ANP32A: variants seen among roughly 807,000 people sequenced by gnomAD.
ANP32A encodes acidic leucine-rich nuclear phosphoprotein 32 family member A.
In ANP32A, 1 loss-of-function variant was observed where a neutral mutation model predicts 33.9. That is an observed-to-expected ratio of 0.03 (90% confidence interval 0.01 to 0.14). The LOEUF is 0.14. ANP32A is among the 10% of genes least tolerant of loss of function. The probability of loss-of-function intolerance (pLI) is 1.00; values close to 1 mark genes in which losing one functional copy is unlikely to be tolerated. For missense variants in ANP32A, 155 were observed against 306.0 expected (o/e 0.51, Z 3.68); for synonymous variants, 115 against 120.5 (o/e 0.95, Z 0.30).
intron 5 of ANP32A, among the ~76,000 whole-genome samples, chr15:68,782,313 C>T (rs2140358836): frequency 6.6e-6 from 1 of 152,284 alleles, no homozygotes; most frequent in East Asian, 1.9e-4. Flanking sequence ...TTCACTTTAT[C>T]CTCTTAACAA....
intron 1 of ANP32A, among the ~76,000 whole-genome samples, chr15:68,809,566 G>C (rs1015892326): frequency 6.6e-6 from 1 of 152,102 alleles, no homozygotes; most frequent in Non-Finnish European, 1.5e-5. Flanking sequence ...GACATACTGG[G>C]GCTCAGGTTC....
chr15:68,800,758 G>C lies in ANP32A; in HGVS notation c.55-12839C>G, dbSNP rs71409171. Among the ~76,000 whole-genome samples, 13 of 67,078 alleles carry C rather than the reference G, an allele frequency of 1.9e-4. 1 individual carries two copies. The highest frequency in any genetic ancestry group is 6.5e-4 in the African/African-American group (13 of 19,872). 44.0% of individuals were successfully genotyped at this position (67,078 alleles called of 152,430 possible). A position where few individuals can be genotyped will look rare whatever the true frequency, so the allele number is the denominator to read the frequency against. ...GACTCCGTCTCAAAAAAAAAAAAAAGAAAGAAAAGAAAAGGACAGAAAAGC... is the reference window on the plus strand; with the variant it reads ...GACTCCGTCTCAAAAAAAAAAAAAACAAAGAAAAGAAAAGGACAGAAAAGC... On this transcript the variant is annotated intron_variant, in intron 1 of 6. Transcript: ENST00000465139.
intron 1 of ANP32A, among the ~76,000 whole-genome samples, chr15:68,814,795 T>C (rs970384701): frequency 6.6e-6 from 1 of 152,054 alleles, no homozygotes; most frequent in Non-Finnish European, 1.5e-5. Context: ...CAGGATTATC[T>C]GTCATTTTCA....
intron 1 of ANP32A, among the ~76,000 whole-genome samples, chr15:68,805,677 T>A (rs1894209533): frequency 6.6e-6 from 1 of 152,200 alleles, no homozygotes; most frequent in Non-Finnish European, 1.5e-5. Context: ...CTTCTAGAGG[T>A]ACTTCTAGAT....
Position 68,780,621 on chromosome 15 carries a change from A to G in ANP32A, c.625-148T>C. The G allele has an allele frequency of 7.4e-7, 1 of 1,344,214 alleles. No individual in the cohort carries two copies. Among genetic ancestry groups the G allele is most frequent in the African/African-American group, 1.5e-5 (1 of 67,944 alleles). 83.3% of individuals were successfully genotyped at this position (1,344,214 alleles called of 1,614,324 possible). On this transcript the variant is annotated intron_variant, in intron 5 of 6. Coordinates refer to ENST00000465139, the MANE Select transcript of ANP32A (RefSeq NM_006305.4). This position sits in a 1 kb window ranked among gnomAD's most constrained non-coding sequence, Gnocchi z 4.3. ...TGACATCTCGGGAGGAATGTAAAGC[A>G]GAGGTTCTTAATTTATTTCAGATCA...
At chr15:68,812,345 G>A (rs1567040241) in intron 1 of ANP32A, among the ~76,000 whole-genome samples, 2 of 152,322 alleles carry the variant, frequency 1.3e-5, no homozygotes, top group East Asian at 1.9e-4. Flanking sequence ...GAAGGATGGG[G>A]CCCTGGGTGA....
chr15:68,814,781 A>G (rs947274353), intron 1 of ANP32A, among the ~76,000 whole-genome samples: 3 of 147,740 alleles, frequency 2.0e-5, no homozygotes, highest in East Asian at 4.0e-4. Flanking sequence ...AAAACTAGAG[A>G]TTCCAGGATT....
chr15:68,814,817 T>G (rs1223849043), intron 1 of ANP32A, among the ~76,000 whole-genome samples: 1 of 152,204 alleles, frequency 6.6e-6, no homozygotes, highest in Non-Finnish European at 1.5e-5. Context: ...AGATCTGGGC[T>G]CTGAAAGGCT....
intron 1 of ANP32A, among the ~76,000 whole-genome samples, chr15:68,812,317 C>A (rs1380058121): frequency 6.6e-6 from 1 of 152,154 alleles, no homozygotes; most frequent in Non-Finnish European, 1.5e-5. Context: ...ACCCAGCATG[C>A]AAAGTGTGCA....
chr15:68,801,932 A>G (rs937022316), intron 1 of ANP32A: 9 of 154,434 alleles, frequency 5.8e-5, no homozygotes, highest in African/African-American at 2.2e-4. Context: ...TTTCTCAAAC[A>G]TCCTGAGAGG....
At chr15:68,784,764 A>C (rs937575048) in intron 3 of ANP32A, among the ~76,000 whole-genome samples, 169 bp from the exon 4 acceptor site, 9 of 152,274 alleles carry the variant, frequency 5.9e-5, no homozygotes, top group Non-Finnish European at 1.0e-4. Context: ...TTGCCCAGAC[A>C]TATCACCTGC....
At chr15:68,801,219 G>C (rs911704818) in intron 1 of ANP32A, among the ~76,000 whole-genome samples, 12 of 111,180 alleles carry the variant, frequency 1.1e-4, no homozygotes, top group Middle Eastern at 4.3e-3. Context: ...AGAAGAAGAA[G>C]AAAAAAAAAA....
At chr15:68,783,103 C>T (rs1442607330) in intron 4 of ANP32A, 50 bp from the exon 5 acceptor site, 2 of 1,549,012 alleles carry the variant, frequency 1.3e-6, no homozygotes, top group Non-Finnish European at 1.7e-6. Flanking sequence ...TGAGCTGGCT[C>T]CGCCCCCCAC....
At chr15:68,811,766 C>T (rs984086737) in intron 1 of ANP32A, among the ~76,000 whole-genome samples, 2 of 152,138 alleles carry the variant, frequency 1.3e-5, no homozygotes, top group Non-Finnish European at 2.9e-5. Flanking sequence ...GACCGAGTTT[C>T]GCTCGTTGCC....
chr15:68,816,907 T>C (rs147535132), intron 1 of ANP32A, among the ~76,000 whole-genome samples: 1 of 152,310 alleles, frequency 6.6e-6, no homozygotes, highest in Non-Finnish European at 1.5e-5. Context: ...TGCGAGTTCC[T>C]GGTTGGCTTG....
intron 1 of ANP32A, among the ~76,000 whole-genome samples, chr15:68,803,516 CCT>C (rs1894167321): frequency 6.6e-6 from 1 of 152,146 alleles, no homozygotes; most frequent in African/African-American, 2.4e-5. Context: ...AAGCCATTTG[CCT>C]CTCTCCCACA....
At chr15:68,803,896 G>A (rs1330194736) in intron 1 of ANP32A, among the ~76,000 whole-genome samples, 2 of 143,708 alleles carry the variant, frequency 1.4e-5, no homozygotes, top group African/African-American at 5.2e-5. Flanking sequence ...CCGCCTCCCA[G>A]GTTCAAGGGA....
intron 1 of ANP32A, among the ~76,000 whole-genome samples, chr15:68,812,154 T>C (rs1894321361): frequency 6.6e-6 from 1 of 152,194 alleles, no homozygotes; most frequent in Non-Finnish European, 1.5e-5. Context: ...GCAGGCACTA[T>C]TACAACCTCA....
chr15:68,785,050 A>G (rs1281547515), intron 3 of ANP32A, among the ~76,000 whole-genome samples: 4 of 152,164 alleles, frequency 2.6e-5, no homozygotes, highest in Non-Finnish European at 5.9e-5. Context: ...GGCGGTTAAC[A>G]TGGCACTTCA....
Sources: gnomAD v4.1 joint callset for allele counts (sites outside exome capture counted in the v4.1 genomes callset) on GRCh38, gnomAD v4.1.1 for gene constraint, Gnocchi (gnomAD v3.1) non-coding constraint, MANE v1.5 for transcripts, NCBI Gene and HGNC (gene_info 2026-07-23, HGNC 2026-07-21) for gene names.